PCDH15: variants seen among roughly 807,000 people sequenced by gnomAD.
PCDH15 encodes protocadherin related 15, also known as protocadherin-15.
A neutral mutation model predicts 178.5 loss-of-function variants in PCDH15; 129 were observed. The ratio of observed to expected loss-of-function variants is 0.72; its 90% CI spans 0.63 to 0.84. The LOEUF (loss-of-function observed/expected upper bound fraction) is 0.84. Among genes scored for constraint, PCDH15 ranks in the 40% least tolerant of loss-of-function variants. The pLI is 0.00. For missense variants in PCDH15, 2,230 were observed against 2,099.9 expected, an observed-to-expected ratio of 1.06 and a Z score of -1.21; for synonymous variants, 800 against 732.0, an observed-to-expected ratio of 1.09 and a Z score of -1.50.
intron 27 of PCDH15, among the ~76,000 whole-genome samples, chr10:53,862,575 T>A (rs2079172978): frequency 6.6e-6 from 1 of 152,214 alleles, no homozygotes; most frequent in African/African-American, 2.4e-5. Flanking sequence ...TACATTTTTT[T>A]AATATTCTAA....
intron 2 of PCDH15, among the ~76,000 whole-genome samples, chr10:54,985,666 A>T (rs1322149070): frequency 6.6e-6 from 1 of 152,182 alleles, no homozygotes; most frequent in Non-Finnish European, 1.5e-5. Context: ...ATCAAAAGTG[A>T]CTATTGCACA....
intron 6 of PCDH15, among the ~76,000 whole-genome samples, chr10:54,335,630 C>T (rs1001041639): frequency 6.6e-6 from 1 of 152,150 alleles, no homozygotes; most frequent in Admixed American, 6.5e-5. Context: ...TAGTCTGCTT[C>T]CATGTAAGAC....
intron 2 of PCDH15, among the ~76,000 whole-genome samples, chr10:54,630,316 C>T (rs998706038): frequency 1.3e-5 from 2 of 152,002 alleles, no homozygotes; most frequent in East Asian, 1.9e-4. Flanking sequence ...CAAAAACAAA[C>T]ACATAGAACA....
chr10:54,206,812 C>T (rs1030607516), intron 10 of PCDH15, among the ~76,000 whole-genome samples: 1 of 152,036 alleles, frequency 6.6e-6, no homozygotes. Flanking sequence ...TTCTATGGAA[C>T]CAAGAAACCT....
chr10:55,511,173 T>C (rs1840877779), intron 2 of PCDH15, among the ~76,000 whole-genome samples: 1 of 151,788 alleles, frequency 6.6e-6, no homozygotes, highest in South Asian at 2.1e-4. Flanking sequence ...ACACGTCTTA[T>C]TTTATATGTT....
chr10:54,756,765 A>T (rs10128365), intron 1 of PCDH15, among the ~76,000 whole-genome samples: 54,433 of 152,024 alleles, frequency 0.36, 10,015 homozygotes, highest in Middle Eastern at 0.47. Context: ...CTTCCTTTAT[A>T]AATTCTGGCT....
rs571773194 is a variant in PCDH15 at position 54,196,811 on chromosome 10, C to T, written c.1099-922G>A. On this transcript the variant is annotated intron_variant, in intron 10 of 37. Transcript: ENST00000644397. ...GAAAAGGGTCTAGAGGGCTCCTTTT[C>T]CCCGCCTCCCACCACGTGAGAACAA... 3.9e-5 allele frequency among the ~76,000 whole-genome samples: 6 copies of T among 152,202 alleles called. No individual in the cohort carries two copies. In the East Asian group the frequency reaches 5.8e-4, roughly 15 times the overall value.
intron 3 of PCDH15, among the ~76,000 whole-genome samples, chr10:54,390,246 T>C (rs1416638955): frequency 6.6e-6 from 1 of 152,160 alleles, no homozygotes; most frequent in Non-Finnish European, 1.5e-5. Flanking sequence ...CCATGCATGA[T>C]TTCTAGCTCC....
chr10:55,412,918 C>T (rs1294832859), intron 2 of PCDH15, among the ~76,000 whole-genome samples: 1 of 141,966 alleles, frequency 7.0e-6, no homozygotes, highest in Non-Finnish European at 1.6e-5. Context: ...CACACACACA[C>T]ACGGCAAATT....
intron 2 of PCDH15, among the ~76,000 whole-genome samples, chr10:54,945,780 G>A (rs543095066): frequency 4.0e-5 from 6 of 151,710 alleles, no homozygotes; most frequent in Admixed American, 2.0e-4. Context: ...GCTGCATTAC[G>A]TTCACATAGA....
At chr10:54,965,389 T>C (rs925065127) in intron 2 of PCDH15, among the ~76,000 whole-genome samples, 8 of 152,092 alleles carry the variant, frequency 5.3e-5, no homozygotes, top group Non-Finnish European at 1.0e-4. Context: ...CTGATGGTTT[T>C]ATAAAGGGCA....
chr10:54,036,195 A>G (rs909180538), intron 18 of PCDH15, among the ~76,000 whole-genome samples: 3 of 152,028 alleles, frequency 2.0e-5, no homozygotes, highest in Non-Finnish European at 2.9e-5. Flanking sequence ...CTAGTTATCC[A>G]GAAAATCCAG....
intron 2 of PCDH15, among the ~76,000 whole-genome samples, chr10:54,604,348 T>C (rs2092660698): frequency 6.6e-6 from 1 of 152,024 alleles, no homozygotes; most frequent in African/African-American, 2.4e-5. Flanking sequence ...TCTGTGGATG[T>C]TCTGTCCATT....
chr10:55,234,253 A>G (rs564099656), intron 1 of PCDH15, among the ~76,000 whole-genome samples: 1 of 152,276 alleles, frequency 6.6e-6, no homozygotes, highest in East Asian at 1.9e-4. Flanking sequence ...CTTTTCTTTG[A>G]CATGAAAGTT....
chr10:55,003,715 A>G (rs576501835), intron 2 of PCDH15, among the ~76,000 whole-genome samples: 1 of 152,324 alleles, frequency 6.6e-6, no homozygotes, highest in East Asian at 1.9e-4. Flanking sequence ...TCGTGTTTTC[A>G]GATATGAGTA....
chr10:54,018,606 C>T (rs369533462), intron 20 of PCDH15, among the ~76,000 whole-genome samples: 1 of 152,054 alleles, frequency 6.6e-6, no homozygotes. Flanking sequence ...GATAACCTAA[C>T]AAAGTTGGTA....
chr10:54,746,383 G>C (rs1264257379), intron 1 of PCDH15, among the ~76,000 whole-genome samples: 1 of 152,020 alleles, frequency 6.6e-6, no homozygotes, highest in Non-Finnish European at 1.5e-5. Context: ...TAGATGAATG[G>C]ATAAGATCTA....
intron 2 of PCDH15, among the ~76,000 whole-genome samples, chr10:55,152,171 A>C (rs1399889762): frequency 6.6e-6 from 1 of 152,180 alleles, no homozygotes; most frequent in Non-Finnish European, 1.5e-5. Context: ...GTTTTTAAAA[A>C]GTAATATATT....
rs2076378929 is a variant in PCDH15 at position 53,822,754 on chromosome 10, A to ATC, written c.4368-2525_4368-2524insGA. The stretch of plus-strand genomic sequence containing the variant: ...CTGGGAAAGCAAAATGAAGAGTCTG[A>ATC]AGAGAGAGATTTCAACTGTTCTGTT... On this transcript the variant is annotated intron_variant, in intron 32 of 37. Transcript: ENST00000644397. The ATC allele has an allele frequency of 2.5e-6, 4 of 1,614,032 alleles. No homozygotes were observed. The highest frequency in any genetic ancestry group is 3.4e-6 in the Non-Finnish European group (4 of 1,179,964).
Sources: gnomAD v4.1 joint callset for allele counts (sites outside exome capture counted in the v4.1 genomes callset) on GRCh38, gnomAD v4.1.1 for gene constraint, MANE v1.5 for transcripts, NCBI Gene and HGNC (gene_info 2026-07-23, HGNC 2026-07-21) for gene names.